Variants in HS6ST3 observed in about 807,000 individuals in gnomAD.
The protein encoded by HS6ST3 is heparan-sulfate 6-O-sulfotransferase 3.
HS6ST3 carries 12 observed loss-of-function variants against 36.7 expected under a neutral mutation model. That is an observed-to-expected ratio of 0.33 (90% confidence interval 0.21 to 0.53). HS6ST3 has a LOEUF of 0.53. Ranked by LOEUF, HS6ST3 falls within the 20% of genes least tolerant of loss-of-function variation. The pLI is 0.95. For missense variants in HS6ST3, 584 were observed against 640.9 expected (o/e 0.91, Z 0.96); for synonymous variants, 240 against 257.5 (o/e 0.93, Z 0.65).
intron 1 of HS6ST3, among the ~76,000 whole-genome samples, chr13:96,667,277 TG>T (rs1219238590): frequency 6.6e-6 from 1 of 152,206 alleles, no homozygotes; most frequent in Non-Finnish European, 1.5e-5. Context: ...CGAAATCTTC[TG>T]AAAGGGTCAG....
At chr13:96,726,599 C>T (rs1340372572) in intron 1 of HS6ST3, among the ~76,000 whole-genome samples, 4 of 152,064 alleles carry the variant, frequency 2.6e-5, no homozygotes, top group Non-Finnish European at 5.9e-5. Flanking sequence ...TGTAGCTTTT[C>T]TTGTATAATT....
intron 1 of HS6ST3, among the ~76,000 whole-genome samples, chr13:96,470,056 C>T (rs997620182): frequency 2.0e-5 from 3 of 151,830 alleles, no homozygotes; most frequent in African/African-American, 7.3e-5. Context: ...TATTGAGTAC[C>T]CTTGGAAAAT....
At chr13:96,549,332 T>C (rs1395805824) in intron 1 of HS6ST3, among the ~76,000 whole-genome samples, 3 of 152,294 alleles carry the variant, frequency 2.0e-5, no homozygotes, top group East Asian at 3.9e-4. Flanking sequence ...TTCATCTATT[T>C]GTGTTTTTCA....
intron 1 of HS6ST3, among the ~76,000 whole-genome samples, chr13:96,706,144 A>AT (rs1015081087): frequency 3.3e-4 from 50 of 151,956 alleles, no homozygotes; most frequent in Admixed American, 7.2e-4. Flanking sequence ...TGTTTCTCTT[A>AT]TTTTTTAAGA....
intron 1 of HS6ST3, among the ~76,000 whole-genome samples, chr13:96,752,294 C>T (rs749230432): frequency 6.6e-5 from 10 of 151,478 alleles, no homozygotes; most frequent in Non-Finnish European, 1.2e-4. Context: ...TAGTACTTGC[C>T]GTTTACAATC....
intron 1 of HS6ST3, among the ~76,000 whole-genome samples, chr13:96,817,694 T>C (rs1878450330): frequency 6.6e-6 from 1 of 152,206 alleles, no homozygotes; most frequent in Admixed American, 6.5e-5. Context: ...TGAATTGTTT[T>C]TCATTTAGAT....
intron 1 of HS6ST3, among the ~76,000 whole-genome samples, chr13:96,831,975 A>AAAAAAAAAAAAAAAAAAAAAAC (rs1566464310): frequency 2.7e-5 from 4 of 148,632 alleles, no homozygotes; most frequent in African/African-American, 1.0e-4. Context: ...AAAAAAAAAA[A>AAAAAAAAAAAAAAAAAAAAAAC]AAAAACAGAG....
At chr13:96,377,402 G>T (rs1484713970) in intron 1 of HS6ST3, among the ~76,000 whole-genome samples, 1 of 151,972 alleles carries the variant, frequency 6.6e-6, no homozygotes, top group African/African-American at 2.4e-5. Flanking sequence ...AAAGTAAGCT[G>T]AAGCATTGTT....
chr13:96,697,516 G>T (rs1468237431), intron 1 of HS6ST3, among the ~76,000 whole-genome samples: 1 of 152,016 alleles, frequency 6.6e-6, no homozygotes, highest in East Asian at 1.9e-4. Flanking sequence ...TGCTGAATAA[G>T]AAAACACCTA....
intron 1 of HS6ST3, among the ~76,000 whole-genome samples, chr13:96,412,800 C>G (rs138037037): frequency 6.6e-6 from 1 of 151,146 alleles, no homozygotes. Flanking sequence ...TTAAAACCCA[C>G]AAATTTCCAT....
At chr13:96,200,502 C>T (rs1418913034) in intron 1 of HS6ST3, among the ~76,000 whole-genome samples, 1 of 152,142 alleles carries the variant, frequency 6.6e-6, no homozygotes. Context: ...ATAAAGCATA[C>T]CTTGGCTATA....
At chr13:96,719,331 A>G (rs1043451954) in intron 1 of HS6ST3, among the ~76,000 whole-genome samples, 49 of 151,714 alleles carry the variant, frequency 3.2e-4, no homozygotes, top group African/African-American at 1.1e-3. Flanking sequence ...AAACTGTGAG[A>G]CCAGTGTTTA....
At chr13:96,290,691 C>G (rs970819582) in intron 1 of HS6ST3, among the ~76,000 whole-genome samples, 1 of 152,178 alleles carries the variant, frequency 6.6e-6, no homozygotes, top group African/African-American at 2.4e-5. Context: ...CCAGAGTAAT[C>G]TCATTAAAAT....
intron 1 of HS6ST3, among the ~76,000 whole-genome samples, chr13:96,108,597 C>T (rs542399847): frequency 5.4e-4 from 82 of 152,104 alleles, no homozygotes; most frequent in East Asian, 1.3e-3. Context: ...ATGTCTTCCC[C>T]GGACACCCAG....
At chr13:96,394,304 A>T (rs2389660) in intron 1 of HS6ST3, among the ~76,000 whole-genome samples, 124,041 of 150,388 alleles carry the variant, frequency 0.82, 51,519 homozygotes, top group Non-Finnish European at 0.87. Context: ...CCATTTTTGT[A>T]TCTTTTAGAA....
intron 1 of HS6ST3, among the ~76,000 whole-genome samples, chr13:96,582,133 A>G (rs1390601143): frequency 6.6e-6 from 1 of 152,218 alleles, no homozygotes; most frequent in African/African-American, 2.4e-5. Context: ...CATTTTAAAC[A>G]TTGACTCCTT....
Position 96,380,830 on chromosome 13 carries a change from G to C in HS6ST3, c.707+289261G>C, listed in dbSNP as rs952606841. On this transcript the variant is annotated intron_variant, in intron 1 of 1. Coordinates refer to ENST00000376705, the MANE Select transcript of HS6ST3 (RefSeq NM_153456.4). ...AAACATTTATTGAACGACTGAGTTA[G>C]ATTCTGTCGATGTAAAAAGAAATGC... 7.2e-5 allele frequency among the ~76,000 whole-genome samples: 11 copies of C among 152,282 alleles called. No homozygotes were observed. In the East Asian group the frequency reaches 9.6e-4, roughly 13 times the overall value.
At chr13:96,758,540 C>T (rs1876888375) in intron 1 of HS6ST3, among the ~76,000 whole-genome samples, 1 of 151,750 alleles carries the variant, frequency 6.6e-6, no homozygotes, top group African/African-American at 2.4e-5. Context: ...CCTCTAAAAA[C>T]TTTTAGCTTT....
chr13:96,392,872 A>T (rs944090088), intron 1 of HS6ST3, among the ~76,000 whole-genome samples: 1 of 152,178 alleles, frequency 6.6e-6, no homozygotes, highest in African/African-American at 2.4e-5. Context: ...TAGGGTTTAC[A>T]TTAGCATATT....
Sources: gnomAD v4.1 joint callset for allele counts (sites outside exome capture counted in the v4.1 genomes callset) on GRCh38, gnomAD v4.1.1 for gene constraint, MANE v1.5 for transcripts, NCBI Gene and HGNC (gene_info 2026-07-23, HGNC 2026-07-21) for gene names.